Variants in COL19A1 observed in about 807,000 individuals in gnomAD.
The protein encoded by COL19A1 is collagen alpha-1(XIX) chain.
In COL19A1, 159 loss-of-function variants were observed where a neutral mutation model predicts 190.2. The ratio of observed to expected loss-of-function variants is 0.84; its 90% CI spans 0.73 to 0.95. The LOEUF (loss-of-function observed/expected upper bound fraction) is 0.95, where lower values mean the gene tolerates loss of function less well. Ranked by LOEUF, COL19A1 falls within the 40% of genes least tolerant of loss-of-function variation. COL19A1 has a pLI of 0.00. For synonymous variants in COL19A1, 509 were observed against 458.9 expected, an observed-to-expected ratio of 1.11 and a Z score of -1.39; for missense variants, 1,418 against 1,431.9, an observed-to-expected ratio of 0.99 and a Z score of 0.16.
intron 18 of COL19A1, among the ~76,000 whole-genome samples, chr6:70,134,081 A>G (rs919518656): frequency 2.0e-5 from 3 of 152,162 alleles, no homozygotes; most frequent in Non-Finnish European, 2.9e-5. Flanking sequence ...TTATTTTATT[A>G]GGCAAGTCTA....
In COL19A1 at chr6:70,207,835, A is replaced by G. The variant is rs1767986986; in HGVS notation, c.*561A>G. The stretch of plus-strand genomic sequence containing the variant: ...TACTTATGCAGAAAAATAGGCAATA[A>G]GAACTTCATTTTACAATTTATGTTT... On this transcript the variant is annotated 3_prime_UTR_variant, in exon 51 of 51. Coordinates refer to ENST00000620364, the MANE Select transcript of COL19A1 (RefSeq NM_001858.6). The G allele has an allele frequency of 6.6e-6, 1 of 152,146 alleles. No homozygotes were observed. Among genetic ancestry groups the G allele is most frequent in the African/African-American group, 2.4e-5 (1 of 41,460 alleles). The allele number at this position is 152,146 out of a possible 1,614,324, so 9.4% of individuals were successfully genotyped here.
intron 44 of COL19A1, among the ~76,000 whole-genome samples, chr6:70,180,948 C>A (rs1766137671): frequency 6.6e-6 from 1 of 152,210 alleles, no homozygotes; most frequent in African/African-American, 2.4e-5. Context: ...TGTTTTCTTA[C>A]ACTTTCATAA....
intron 16 of COL19A1, among the ~76,000 whole-genome samples, chr6:70,104,720 G>A (rs955885751): frequency 2.6e-5 from 4 of 152,198 alleles, no homozygotes; most frequent in African/African-American, 9.7e-5. Context: ...AAGAAAAGCT[G>A]GTGAATGCTA....
In COL19A1 at chr6:70,211,728, T is replaced by C. The variant is rs751300073; in HGVS notation, c.*4454T>C. Reference sequence around the variant, plus strand: ...TTATTGTGTGGCATACTTGGAGCTATAATCCAAACGTTTTACTCAACAAAA... The same window carrying C: ...TTATTGTGTGGCATACTTGGAGCTACAATCCAAACGTTTTACTCAACAAAA... On this transcript the variant is annotated 3_prime_UTR_variant, in exon 51 of 51. Coordinates refer to ENST00000620364, the MANE Select transcript of COL19A1 (RefSeq NM_001858.6). 5.3e-5 allele frequency among the ~76,000 whole-genome samples: 8 copies of C among 151,822 alleles called. No homozygotes were observed. Among genetic ancestry groups the C allele is most frequent in the Non-Finnish European group, 7.4e-5 (5 of 67,950 alleles).
At position 70,162,372 on chromosome 6, in the gene COL19A1, T is replaced by C. The variant is rs1787864290; in HGVS notation, c.2346+419T>C. On this transcript the variant is annotated intron_variant, in intron 35 of 50. Coordinates refer to ENST00000620364, the MANE Select transcript of COL19A1 (RefSeq NM_001858.6). ...TTTCATTTATTTTTGTTCCTATGTA[T>C]AAAATAAAATACCTCTATTTTAGTC... Among the ~76,000 whole-genome samples, 3 of 152,144 alleles carry C rather than the reference T, an allele frequency of 2.0e-5. No homozygotes were observed. In the South Asian group the frequency reaches 6.2e-4, roughly 32 times the overall value.
At chr6:69,880,607 G>A (rs1017270489) in intron 2 of COL19A1, among the ~76,000 whole-genome samples, 3 of 152,120 alleles carry the variant, frequency 2.0e-5, no homozygotes, top group Admixed American at 6.5e-5. Context: ...CTAACACATC[G>A]TAGTCTTTCA....
At chr6:69,914,319 C>T (rs1350812867) in intron 4 of COL19A1, among the ~76,000 whole-genome samples, 2 of 152,160 alleles carry the variant, frequency 1.3e-5, no homozygotes, top group Admixed American at 6.5e-5. Flanking sequence ...ACCCTCTAGG[C>T]CCTGCTAGCC....
rs1765310816 is a variant in COL19A1, at chr6:70,168,592, T to C, written c.2542-63T>C. On this transcript the variant is annotated intron_variant, in intron 39 of 50. Coordinates refer to ENST00000620364, the MANE Select transcript of COL19A1 (RefSeq NM_001858.6). ...TATTAAGGCAAATTGGACAACAGTG[T>C]TTCTTATTCTGTAACTGCTTTGGTC... 1.9e-6 allele frequency: 3 copies of C among 1,554,272 alleles called. No homozygotes were observed. In the South Asian group the frequency reaches 3.5e-5, roughly 18 times the overall value.
At chr6:69,979,543 A>G (rs889270072) in intron 11 of COL19A1, among the ~76,000 whole-genome samples, 1 of 151,906 alleles carries the variant, frequency 6.6e-6, no homozygotes, top group Admixed American at 6.5e-5. Flanking sequence ...TACTATTCTT[A>G]AAAAGGGCAA....
At chr6:70,117,594 C>T (rs73469831) in intron 16 of COL19A1, among the ~76,000 whole-genome samples, 10,376 of 152,164 alleles carry the variant, frequency 0.068, 1,177 homozygotes, top group African/African-American at 0.24. Flanking sequence ...CAGTAAGAAA[C>T]GACATCAGGA....
intron 9 of COL19A1, among the ~76,000 whole-genome samples, chr6:69,953,142 CAACTT>C (rs955969653): frequency 5.3e-5 from 8 of 151,818 alleles, no homozygotes; most frequent in Admixed American, 4.6e-4. Flanking sequence ...AAAAAAAAGA[CAACTT>C]AGCTTTATTC....
chr6:70,024,878 T>C (rs1373491063), intron 12 of COL19A1, among the ~76,000 whole-genome samples: 2 of 152,142 alleles, frequency 1.3e-5, no homozygotes, highest in Non-Finnish European at 2.9e-5. Flanking sequence ...AGTAACTGAC[T>C]CACCTCTTAC....
intron 3 of COL19A1, 91 bp from the exon 4 acceptor site, chr6:69,900,148 T>C (rs1770077499): frequency 1.9e-5 from 13 of 701,090 alleles, no homozygotes; most frequent in Non-Finnish European, 2.8e-5. Flanking sequence ...TTGAAGTGAA[T>C]CAATTAATAG....
chr6:69,979,542 TA>T (rs892579783), intron 11 of COL19A1, among the ~76,000 whole-genome samples: 2 of 151,828 alleles, frequency 1.3e-5, no homozygotes, highest in African/African-American at 4.8e-5. Flanking sequence ...ATACTATTCT[TA>T]AAAAGGGCAA....
intron 9 of COL19A1, among the ~76,000 whole-genome samples, chr6:69,956,523 T>A (rs569004107): frequency 2.3e-4 from 35 of 152,102 alleles, no homozygotes; most frequent in African/African-American, 7.2e-4. Context: ...TTTAAAAATT[T>A]CCTGAAACGT....
At chr6:69,903,968 C>T (rs913481419) in intron 4 of COL19A1, among the ~76,000 whole-genome samples, 4 of 152,120 alleles carry the variant, frequency 2.6e-5, no homozygotes, top group African/African-American at 9.7e-5. Flanking sequence ...TATATAGCCC[C>T]GCAGCAACAC....
intron 42 of COL19A1, among the ~76,000 whole-genome samples, chr6:70,179,351 A>G (rs932791692): frequency 2.0e-5 from 3 of 152,180 alleles, no homozygotes; most frequent in Non-Finnish European, 2.9e-5. Flanking sequence ...ACATTAGACC[A>G]AGGGACAGGA....
At position 70,103,226 on chromosome 6, in the gene COL19A1, CT is replaced by C. The variant is rs1420575636; in HGVS notation, c.1278+1005del. On this transcript the variant is annotated intron_variant, in intron 16 of 50. Coordinates refer to ENST00000620364, the MANE Select transcript of COL19A1 (RefSeq NM_001858.6). ...TTCATCCTCTTCATCTAAACAGTCTCTAAATCATATCAGTTCTACATCCCAG... is the reference window on the plus strand; with the variant it reads ...TTCATCCTCTTCATCTAAACAGTCTCAAATCATATCAGTTCTACATCCCAG... Among the ~76,000 whole-genome samples, 5 of 152,178 alleles carry C rather than the reference CT, an allele frequency of 3.3e-5. 1 individual carries two copies. The highest frequency in any genetic ancestry group is 1.2e-4 in the African/African-American group (5 of 41,442).
chr6:70,110,224 C>G (rs1582934535), intron 16 of COL19A1, among the ~76,000 whole-genome samples: 1 of 152,112 alleles, frequency 6.6e-6, no homozygotes, highest in Non-Finnish European at 1.5e-5. Flanking sequence ...TGAAGCTCAT[C>G]ATGTATCAAT....
Sources: allele counts gnomAD v4.1 joint callset (sites outside exome capture counted in the v4.1 genomes callset), GRCh38; gene constraint gnomAD v4.1.1; transcripts MANE v1.5; gene names NCBI Gene and HGNC (gene_info 2026-07-23, HGNC 2026-07-21).